Variants in GRIK1 observed in about 807,000 individuals in gnomAD.
The protein encoded by GRIK1 is glutamate receptor ionotropic, kainate 1.
A neutral mutation model predicts 105.7 loss-of-function variants in GRIK1; 69 were observed. The observed-to-expected ratio is 0.65, with a 90% CI of 0.54 to 0.80. The LOEUF (loss-of-function observed/expected upper bound fraction) is 0.80. GRIK1 is among the 30% of genes least tolerant of loss of function. The probability of loss-of-function intolerance (pLI) is 0.00; values close to 1 mark genes in which losing one functional copy is unlikely to be tolerated. For synonymous variants in GRIK1, 438 were observed against 431.3 expected (o/e 1.02, Z -0.19); for missense variants, 1,109 against 1,167.3 (o/e 0.95, Z 0.73).
chr21:29,845,342 G>T (rs1490035743), intron 1 of GRIK1, among the ~76,000 whole-genome samples: 1 of 151,866 alleles, frequency 6.6e-6, no homozygotes, highest in Non-Finnish European at 1.5e-5. Context: ...TTTTACCAAT[G>T]CTATTACCAT....
intron 3 of GRIK1, among the ~76,000 whole-genome samples, chr21:29,688,325 G>A (rs1053619618): frequency 1.3e-4 from 20 of 152,178 alleles, no homozygotes; most frequent in African/African-American, 4.8e-4. Context: ...TGGAACCAGA[G>A]TTTAACATCA....
intron 1 of GRIK1, among the ~76,000 whole-genome samples, chr21:29,805,014 G>A (rs1165181386): frequency 6.6e-6 from 1 of 152,054 alleles, no homozygotes. Flanking sequence ...AACTTTGTTT[G>A]CCTAACCAGC....
intron 6 of GRIK1, among the ~76,000 whole-genome samples, chr21:29,644,658 G>C (rs58802770): frequency 6.6e-6 from 1 of 152,050 alleles, no homozygotes; most frequent in Non-Finnish European, 1.5e-5. Flanking sequence ...GAAATTGACC[G>C]GTATAAGGCT....
chr21:29,917,091 T>A (rs1430899128), intron 1 of GRIK1, among the ~76,000 whole-genome samples: 2 of 152,022 alleles, frequency 1.3e-5, no homozygotes, highest in Non-Finnish European at 2.9e-5. Context: ...TTAAGACATT[T>A]CGTTTTCAGT....
At chr21:29,638,322 G>A (rs1441636651) in intron 7 of GRIK1, among the ~76,000 whole-genome samples, 6 of 152,012 alleles carry the variant, frequency 3.9e-5, no homozygotes, top group African/African-American at 7.2e-5. Flanking sequence ...TTCTAAAACC[G>A]TCAGATCTCT....
intron 1 of GRIK1, among the ~76,000 whole-genome samples, chr21:29,816,238 AC>A (rs1470940286): frequency 6.6e-6 from 1 of 152,154 alleles, no homozygotes; most frequent in Admixed American, 6.6e-5. Context: ...AATCAAAACC[AC>A]AATGAGATAT....
chr21:29,591,043 T>C (rs1259089030), intron 10 of GRIK1, 69 bp downstream of exon 10: 1 of 856,736 alleles, frequency 1.2e-6, no homozygotes, highest in Non-Finnish European at 2.0e-6. Flanking sequence ...AAAAGACAGT[T>C]GAGGAATGCT....
chr21:29,783,932 T>A, intron 1 of GRIK1, among the ~76,000 whole-genome samples: 1 of 152,204 alleles, frequency 6.6e-6, no homozygotes, highest in East Asian at 1.9e-4. Flanking sequence ...TGTTGTTTTT[T>A]TGCTCTTTGT....
chr21:29,911,074 A>G (rs573092505), intron 1 of GRIK1, among the ~76,000 whole-genome samples: 2 of 152,206 alleles, frequency 1.3e-5, no homozygotes, highest in South Asian at 2.1e-4. Flanking sequence ...TGTGTTAAGT[A>G]TTGTGCTTGA....
intron 7 of GRIK1, among the ~76,000 whole-genome samples, chr21:29,634,482 A>C (rs1381849301): frequency 6.6e-6 from 1 of 152,226 alleles, no homozygotes; most frequent in African/African-American, 2.4e-5. Flanking sequence ...TTAGTTTAGC[A>C]AAATGTGTTA....
chr21:29,613,222 C>T (rs946751711), intron 7 of GRIK1, among the ~76,000 whole-genome samples: 12 of 152,298 alleles, frequency 7.9e-5, no homozygotes, highest in Middle Eastern at 3.4e-3. Context: ...CTTACAGATA[C>T]GTGATTACTC....
At chr21:29,643,203 A>AAG (rs67464302) in intron 6 of GRIK1, among the ~76,000 whole-genome samples, 1 of 152,138 alleles carries the variant, frequency 6.6e-6, no homozygotes, top group Non-Finnish European at 1.5e-5. Flanking sequence ...TTAAAAAAAA[A>AAG]TAAAGCAACC....
Position 29,555,107 on chromosome 21 carries a change from A to T in GRIK1, c.2552T>A (p.Phe851Tyr). 1 of 1,612,344 alleles carries T rather than the reference A, an allele frequency of 6.2e-7. No homozygotes were observed. Residue 851 changes from phenylalanine to tyrosine, a missense_variant, in exon 16 of 18, where the codon TTT becomes TAT. Phe to Tyr is a conservative substitution (Grantham distance 22, BLOSUM62 3). Around this residue, in one of 5 missense-constraint regions of GRIK1, gnomAD observed 161 missense variants for 143.4 expected, o/e 1.12. Transcript: ENST00000327783. ...GTATATGAATTCTCCAATAGCTACA[A>T]ATACAGAAAGGACCAGTCCGGCAGC... Reference protein sequence around the residue: ...VLAAGLVLSVFVAIGEFIYKS... With the variant: ...VLAAGLVLSVYVAIGEFIYKS...
intron 1 of GRIK1, among the ~76,000 whole-genome samples, chr21:29,817,866 T>G (rs961122697): frequency 1.6e-4 from 24 of 152,272 alleles, no homozygotes; most frequent in African/African-American, 5.5e-4. Context: ...GAAAATACGC[T>G]TAATGCATAC....
In GRIK1 at chr21:29,612,059, A is replaced by G. The variant is rs3026019; in HGVS notation, c.1099-13122T>C. On this transcript the variant is annotated intron_variant, in intron 7 of 17. Transcript: ENST00000327783. ...TCCTGCAAGTCAATGTCACAAGGCT[A>G]GAATGGGCTGTCTGCAGGAGTAGAA... Among the ~76,000 whole-genome samples, 883 of 152,322 alleles carry G rather than the reference A, an allele frequency of 5.8e-3. 10 individuals are homozygous for G. The highest frequency in any genetic ancestry group is 0.02 in the African/African-American group (841 of 41,570).
At chr21:29,696,747 C>T (rs915282725) in intron 1 of GRIK1, among the ~76,000 whole-genome samples, 10 of 152,164 alleles carry the variant, frequency 6.6e-5, no homozygotes, top group South Asian at 2.1e-4. Flanking sequence ...ATCTTTAGGA[C>T]GTTCAGGCTG....
At chr21:29,888,200 T>TTC (rs1334429767) in intron 1 of GRIK1, among the ~76,000 whole-genome samples, 1 of 31,604 alleles carries the variant, frequency 3.2e-5, no homozygotes, top group African/African-American at 6.6e-5. Context: ...TTTCTTTCTC[T>TTC]CTCTCTCTCT....
intron 16 of GRIK1, among the ~76,000 whole-genome samples, chr21:29,545,781 T>C (rs2090041594): frequency 6.6e-6 from 1 of 152,220 alleles, no homozygotes; most frequent in Non-Finnish European, 1.5e-5. Flanking sequence ...GGAATGCATT[T>C]TTCTCAAGCT....
intron 3 of GRIK1, among the ~76,000 whole-genome samples, chr21:29,675,663 C>T (rs1260281972): frequency 6.6e-6 from 1 of 152,168 alleles, no homozygotes; most frequent in Non-Finnish European, 1.5e-5. Context: ...ACACAACCTG[C>T]TTCAAAGTCC....
Sources: allele counts gnomAD v4.1 joint callset (sites outside exome capture counted in the v4.1 genomes callset), GRCh38; gene constraint gnomAD v4.1.1; regional missense constraint gnomAD v4.1.1; transcripts MANE v1.5; gene names NCBI Gene and HGNC (gene_info 2026-07-23, HGNC 2026-07-21).